DMD: variants seen among roughly 807,000 people sequenced by gnomAD.
DMD encodes mutant dystrophin.
Under a neutral mutation model 330.1 loss-of-function variants are expected in DMD, and 63 were observed. That is an observed-to-expected ratio of 0.19 (90% CI 0.16 to 0.24). The LOEUF (loss-of-function observed/expected upper bound fraction) is 0.24, where lower values mean the gene tolerates loss of function less well. Among genes scored for constraint, DMD ranks in the 10% least tolerant of loss-of-function variants. The pLI, the probability that DMD is intolerant of heterozygous loss-of-function variation, is 1.00. For missense variants in DMD, 3,344 were observed against 2,684.1 expected (o/e 1.25, Z -5.43); for synonymous variants, 1,223 against 959.8 (o/e 1.27, Z -5.07).
intron 37 of DMD, among the ~76,000 whole-genome samples, chrX:32,356,214 A>C (rs1023013550): frequency 9.1e-6 from 1 of 109,585 alleles, no homozygotes. Flanking sequence ...TTCCACACAT[A>C]GAACCATATT....
At chrX:32,861,004 T>G (rs1047384476) in intron 2 of DMD, among the ~76,000 whole-genome samples, 3 of 112,054 alleles carry the variant, frequency 2.7e-5, no homozygotes, top group Admixed American at 9.5e-5. Context: ...AATGGTATGA[T>G]GCCATGAATA....
At chrX:31,756,443 A>T (rs1372537162) in intron 51 of DMD, among the ~76,000 whole-genome samples, 1 of 101,531 alleles carries the variant, frequency 9.8e-6, no homozygotes, top group African/African-American at 3.5e-5. Context: ...TTTATACCAT[A>T]TATGTTATTC....
chrX:33,181,757 T>C (rs986279856), intron 1 of DMD, among the ~76,000 whole-genome samples: 4 of 111,867 alleles, frequency 3.6e-5, no homozygotes, highest in African/African-American at 1.3e-4. Context: ...ATCATTTCCT[T>C]TGGCGTGAGT....
At chrX:32,467,147 G>C (rs771006246) in intron 23 of DMD, among the ~76,000 whole-genome samples, 1 of 112,053 alleles carries the variant, frequency 8.9e-6, no homozygotes, top group Non-Finnish European at 1.9e-5. Context: ...AAATGTTTTA[G>C]GTTTGCTTAG....
At chrX:31,695,338 T>C (rs768161262) in intron 52 of DMD, among the ~76,000 whole-genome samples, 112 of 110,508 alleles carry the variant, frequency 1.0e-3, no homozygotes, top group Non-Finnish European at 3.4e-4. Flanking sequence ...TTAGAAAGAA[T>C]GAGTAAGACC....
At chrX:32,308,805 T>C (rs980853183) in intron 42 of DMD, among the ~76,000 whole-genome samples, 5 of 110,635 alleles carry the variant, frequency 4.5e-5, no homozygotes, top group Non-Finnish European at 9.5e-5. Flanking sequence ...ACTACTCTCC[T>C]GAACCAAATG....
chrX:32,924,089 T>C (rs1473120664), intron 2 of DMD, among the ~76,000 whole-genome samples: 2 of 111,970 alleles, frequency 1.8e-5, no homozygotes, highest in Non-Finnish European at 3.8e-5. Context: ...AAGTCCTTGC[T>C]TTCTTTTGCT....
At chrX:31,864,534 T>C (rs1469350885) in intron 48 of DMD, among the ~76,000 whole-genome samples, 1 of 90,669 alleles carries the variant, frequency 1.1e-5, no homozygotes, top group African/African-American at 4.5e-5. Flanking sequence ...CTATTCCCCA[T>C]GCCGGAGTGC....
chrX:31,548,913 G>A (rs2074313197), intron 55 of DMD, among the ~76,000 whole-genome samples: 1 of 109,219 alleles, frequency 9.2e-6, no homozygotes, highest in Non-Finnish European at 1.9e-5. Flanking sequence ...AAGAAAATAT[G>A]CACACACACA....
At chrX:33,314,557 CTGTTTTTTTTT>C (rs1165429096) in intron 1 of DMD, among the ~76,000 whole-genome samples, 2 of 84,562 alleles carry the variant, frequency 2.4e-5, no homozygotes, top group East Asian at 7.1e-4. Context: ...TGTGCCCAGC[CTGTTTTTTTTT>C]TGTTTTTTTT....
chrX:32,483,152 T>TAA, intron 21 of DMD, among the ~76,000 whole-genome samples: 1 of 79,896 alleles, frequency 1.3e-5, no homozygotes, highest in Non-Finnish European at 2.6e-5. Context: ...ATTCCATATA[T>TAA]ATATATATAT....
intron 9 of DMD, among the ~76,000 whole-genome samples, chrX:32,657,041 T>TGTC (rs764845170): frequency 7.0e-4 from 74 of 105,067 alleles, no homozygotes; most frequent in African/African-American, 2.5e-3. Flanking sequence ...GTGTGTGTGT[T>TGTC]TTCTTCCTCT....
chrX:31,535,824 T>C (rs774178612), intron 55 of DMD, among the ~76,000 whole-genome samples: 196 of 111,810 alleles, frequency 1.8e-3, no homozygotes, highest in Non-Finnish European at 3.0e-3. Context: ...TGACAGACAC[T>C]GTCCCAGTCT....
At chrX:31,255,949 G>GT (rs904630395) in intron 63 of DMD, among the ~76,000 whole-genome samples, 1 of 108,687 alleles carries the variant, frequency 9.2e-6, no homozygotes, top group Non-Finnish European at 1.9e-5. Flanking sequence ...CTAATTTTTT[G>GT]TTTTTTTAGT....
intron 51 of DMD, among the ~76,000 whole-genome samples, chrX:31,739,410 A>G (rs901342222): frequency 8.9e-6 from 1 of 112,181 alleles, no homozygotes; most frequent in Non-Finnish European, 1.9e-5. Context: ...ATTATTAGCT[A>G]TTCAAACTTA....
chrX:32,386,229 TCA>T, intron 33 of DMD, 79 bp downstream of exon 33: 1 of 1,081,245 alleles, frequency 9.2e-7, no homozygotes. Context: ...AAGACTCTAA[TCA>T]TACATAATTT....
At chrX:31,635,975 T>C (rs889705885) in intron 54 of DMD, among the ~76,000 whole-genome samples, 4 of 111,362 alleles carry the variant, frequency 3.6e-5, no homozygotes, top group African/African-American at 6.6e-5. Context: ...AAAGCATTGC[T>C]TATAAACTGT....
chrX:33,292,821 A>G (rs2053531667), intron 1 of DMD, among the ~76,000 whole-genome samples: 1 of 110,707 alleles, frequency 9.0e-6, no homozygotes, highest in Non-Finnish European at 1.9e-5. Flanking sequence ...CTCCTACTCT[A>G]TTTTCTAACC....
At chrX:33,318,450 ATT>A (rs1366438601) in intron 1 of DMD, among the ~76,000 whole-genome samples, 1 of 97,537 alleles carries the variant, frequency 1.0e-5, no homozygotes, top group Admixed American at 1.1e-4. Context: ...TACTCAGTGT[ATT>A]TTTTTTTTTT....
Sources: allele counts gnomAD v4.1 joint callset (sites outside exome capture counted in the v4.1 genomes callset), GRCh38; gene constraint gnomAD v4.1.1; transcripts MANE v1.5; gene names NCBI Gene and HGNC (gene_info 2026-07-23, HGNC 2026-07-21).